The following SLC5A3 variants were observed in gnomAD, a reference collection of about 807,000 sequenced individuals.
SLC5A3 encodes the protein solute carrier family 5 member 3, also known as sodium/myo-inositol cotransporter.
SLC5A3 carries 10 observed loss-of-function variants against 43.2 expected under a neutral mutation model. The ratio of observed to expected loss-of-function variants is 0.23; its 90% CI spans 0.14 to 0.39. SLC5A3 has a LOEUF of 0.39. SLC5A3 is among the 10% of genes least tolerant of loss of function. The pLI is 1.00. For missense variants in SLC5A3, 608 were observed against 893.4 expected, an observed-to-expected ratio of 0.68 and a Z score of 4.07; for synonymous variants, 349 against 322.0, an observed-to-expected ratio of 1.08 and a Z score of -0.90.
intron 1 of SLC5A3, among the ~76,000 whole-genome samples, chr21:34,082,340 A>G (rs546959692): frequency 2.6e-5 from 4 of 152,298 alleles, no homozygotes; most frequent in East Asian, 1.9e-4. Context: ...AGGCTAAAAT[A>G]TACATGTAGG....
chr21:34,093,845 A>G (rs1978834669), intron 1 of SLC5A3, among the ~76,000 whole-genome samples: 1 of 152,154 alleles, frequency 6.6e-6, no homozygotes. Flanking sequence ...CAGAACTGAA[A>G]AATTCCTGAT....
At chr21:34,076,638 G>T (rs1232839021) in intron 1 of SLC5A3, among the ~76,000 whole-genome samples, 1 of 152,144 alleles carries the variant, frequency 6.6e-6, no homozygotes, top group Non-Finnish European at 1.5e-5. Flanking sequence ...AAAAAAGTGT[G>T]TATATAAAAA....
intron 1 of SLC5A3, among the ~76,000 whole-genome samples, chr21:34,086,875 G>A (rs1978415776): frequency 6.6e-6 from 1 of 152,236 alleles, no homozygotes; most frequent in East Asian, 1.9e-4. Context: ...TTGGGTTTCT[G>A]TTGGGTGAGC....
rs779611304 is a variant in SLC5A3 at position 34,096,895 on chromosome 21, A to G, written c.1697A>G (p.Lys566Arg). 32 of 1,614,152 alleles carry G rather than the reference A, an allele frequency of 2.0e-5. No individual in the cohort carries two copies. The South Asian group carries it at 3.4e-4, about 17-fold the overall frequency. The change falls in exon 2 of 2, where the codon AAA becomes AGA. Residue 566 changes from lysine to arginine, a missense_variant. Physicochemically the swap from Lys to Arg is conservative, Grantham distance 26 (BLOSUM62 2). Transcript: ENST00000381151. The surrounding 1 kb of genome is among the most constrained non-coding windows in gnomAD (Gnocchi z 5.9). ...TGCTCCCCAAAAGAGGAACCATACA[A>G]AATGCAAGAAAAGAGCATTCTGAGA... ...ENCSPKEEPYKMQEKSILRCS... is the reference protein window; with the variant it reads ...ENCSPKEEPYRMQEKSILRCS...
rs868003587 is a variant in SLC5A3 at position 34,086,317 on chromosome 21, G to T, written c.-336-8546G>T. ...TTTAGAGAAAAGATTAATTCTTGGT[G>T]TGGGTACAGATGTTAGCAGCTGCAT... On this transcript the variant is annotated intron_variant, in intron 1 of 1. Transcript: ENST00000381151. Among the ~76,000 whole-genome samples, 5 of 152,284 alleles carry T rather than the reference G, an allele frequency of 3.3e-5. No homozygotes were observed. The South Asian group carries it at 1.0e-3, about 32-fold the overall frequency.
chr21:34,081,116 C>CA lies in SLC5A3; in HGVS notation c.-337+7374dup, dbSNP rs1198789784. Among the ~76,000 whole-genome samples, 6 of 151,984 alleles carry CA rather than the reference C, an allele frequency of 3.9e-5. No homozygotes were observed. In the South Asian group the frequency reaches 6.2e-4, roughly 16 times the overall value. ...AGAATTAGATATGGCTGAAATAACTCAAAGTTTGGGAAGAAAAATAACTAG... is the reference window on the plus strand; with the variant it reads ...AGAATTAGATATGGCTGAAATAACTCAAAAGTTTGGGAAGAAAAATAACTAG... On this transcript the variant is annotated intron_variant, in intron 1 of 1. Transcript: ENST00000381151.
At chr21:34,087,041 A>G (rs1244502198) in intron 1 of SLC5A3, among the ~76,000 whole-genome samples, 4 of 152,216 alleles carry the variant, frequency 2.6e-5, no homozygotes, top group Non-Finnish European at 5.9e-5. Flanking sequence ...CACGTTCCGC[A>G]GTGGAGTTAG....
At position 34,103,828 on chromosome 21, in the gene SLC5A3, A is replaced by G; in HGVS notation, c.*6473A>G. 1.0e-6 allele frequency: 1 copy of G among 1,000,194 alleles called. No individual in the cohort carries two copies. Among genetic ancestry groups the G allele is most frequent in the African/African-American group, 1.7e-5 (1 of 57,360 alleles). The allele number at this position is 1,000,194 out of a possible 1,614,324, so 62.0% of individuals were successfully genotyped here. A position where few individuals can be genotyped will look rare whatever the true frequency, so the allele number is the denominator to read the frequency against. On this transcript the variant is annotated 3_prime_UTR_variant, in exon 2 of 2. Transcript: ENST00000381151. ...GAGAATATAAATGTCAAGAATGCCAAAATTATATTTGGGGGTTACTAGCTA... is the reference window on the plus strand; with the variant it reads ...GAGAATATAAATGTCAAGAATGCCAGAATTATATTTGGGGGTTACTAGCTA...
At chr21:34,089,458 A>G (rs1288449447) in intron 1 of SLC5A3, among the ~76,000 whole-genome samples, 12 of 152,056 alleles carry the variant, frequency 7.9e-5, no homozygotes. Context: ...TGCCATATCT[A>G]CAAGGTCTTA....
intron 1 of SLC5A3, among the ~76,000 whole-genome samples, chr21:34,076,442 A>G (rs747081935): frequency 2.0e-5 from 3 of 152,218 alleles, no homozygotes; most frequent in Admixed American, 6.5e-5. Context: ...AGAGTCAGTC[A>G]TATTGAACTA....
intron 1 of SLC5A3, among the ~76,000 whole-genome samples, chr21:34,081,943 A>G (rs375585712): frequency 4.6e-5 from 7 of 152,234 alleles, no homozygotes; most frequent in African/African-American, 1.4e-4. Context: ...GTTGGTGCTT[A>G]CTACTCTGCT....
At position 34,100,921 on chromosome 21, in the gene SLC5A3, T is replaced by G. The variant is rs949445276; in HGVS notation, c.*3566T>G. 4.1e-5 allele frequency: 41 copies of G among 1,000,108 alleles called. No individual in the cohort carries two copies. The South Asian group carries it at 4.2e-4, about 10-fold the overall frequency. The allele number at this position is 1,000,108 out of a possible 1,614,324, so 62.0% of individuals were successfully genotyped here. On this transcript the variant is annotated 3_prime_UTR_variant, in exon 2 of 2. Transcript: ENST00000381151. The stretch of plus-strand genomic sequence containing the variant: ...AAGGTTAGGTCTTCCCTGTTCCTGC[T>G]TGGCAGTGTTAAAGCTTACAGGGTT...
chr21:34,097,402 C>G lies in SLC5A3; in HGVS notation c.*47C>G. On this transcript the variant is annotated 3_prime_UTR_variant, in exon 2 of 2. Transcript: ENST00000381151. ...CTAACTTAAGACAATACTGACTGGT[C>G]TTTGGGGAAAAAAGTTATGTAACTG... is the stretch of plus-strand genomic sequence containing the variant. 7.3e-7 allele frequency: 1 copy of G among 1,368,264 alleles called. No individual in the cohort carries two copies. Among genetic ancestry groups the G allele is most frequent in the Non-Finnish European group, 9.4e-7 (1 of 1,068,622 alleles). 84.8% of individuals were successfully genotyped at this position (1,368,264 alleles called of 1,614,324 possible).
chr21:34,088,978 A>G (rs1466701999), intron 1 of SLC5A3, among the ~76,000 whole-genome samples: 1 of 152,094 alleles, frequency 6.6e-6, no homozygotes, highest in African/African-American at 2.4e-5. Flanking sequence ...TGAGTTACAC[A>G]AATGTTTGGT....
Position 34,095,430 on chromosome 21 carries a change from G to A in SLC5A3, c.232G>A (p.Ala78Thr). The A allele has an allele frequency of 1.2e-6, 2 of 1,614,112 alleles. No individual in the cohort carries two copies. Among genetic ancestry groups the A allele is most frequent in the Non-Finnish European group, 1.7e-6 (2 of 1,180,012 alleles). ...AGGATCTGGAGCTGCAAGTGGATTT[G>A]CAGTGGGCGCATGGGAATTCAATGC... Reference protein sequence around the residue: ...LAGSGAASGFAVGAWEFNALL... With the variant: ...LAGSGAASGFTVGAWEFNALL... The change falls in exon 2 of 2, where the codon GCA (alanine) becomes ACA (threonine). Residue 78 changes from alanine (A) to threonine (T), a missense_variant. Physicochemically the swap from Ala to Thr is moderately conservative, Grantham distance 58 (BLOSUM62 0). Transcript: ENST00000381151.
intron 1 of SLC5A3, among the ~76,000 whole-genome samples, chr21:34,094,556 A>C (rs2409514): frequency 1 from 152,280 of 152,282 alleles, 76,139 homozygotes; most frequent in Non-Finnish European, 1. Flanking sequence ...TAATCTGAGC[A>C]TACCACAGTA....
chr21:34,076,881 A>C (rs1989344722), intron 1 of SLC5A3, among the ~76,000 whole-genome samples: 1 of 152,248 alleles, frequency 6.6e-6, no homozygotes, highest in Non-Finnish European at 1.5e-5. Flanking sequence ...AGAGAGTTTT[A>C]TTCACTTCTG....
intron 1 of SLC5A3, among the ~76,000 whole-genome samples, chr21:34,088,251 C>A (rs1978497522): frequency 6.6e-6 from 1 of 152,056 alleles, no homozygotes; most frequent in South Asian, 2.1e-4. Context: ...TTAAGACTTA[C>A]TATTTTTCCC....
intron 1 of SLC5A3, among the ~76,000 whole-genome samples, chr21:34,075,527 G>A (rs1009035114): frequency 6.6e-6 from 1 of 151,810 alleles, no homozygotes; most frequent in Non-Finnish European, 1.5e-5. Context: ...TGAAATCTTC[G>A]CATGAGGGAA....
Sources: allele counts gnomAD v4.1 joint callset (sites outside exome capture counted in the v4.1 genomes callset), GRCh38; gene constraint gnomAD v4.1.1; non-coding constraint Gnocchi (gnomAD v3.1); transcripts MANE v1.5; gene names NCBI Gene and HGNC (gene_info 2026-07-23, HGNC 2026-07-21).